The following SRSF1 variants were observed in gnomAD, a reference collection of about 807,000 sequenced individuals.
The protein encoded by SRSF1 is serine/arginine-rich splicing factor 1.
A neutral mutation model predicts 25.9 loss-of-function variants in SRSF1; 1 was observed. That is an observed-to-expected ratio of 0.04 (90% CI 0.01 to 0.18). The LOEUF is 0.18. Among genes scored for constraint, SRSF1 ranks in the 10% least tolerant of loss-of-function variants. The pLI is 1.00. For missense variants in SRSF1, 65 were observed against 350.5 expected, an observed-to-expected ratio of 0.19 and a Z score of 6.50; for synonymous variants, 132 against 126.2, an observed-to-expected ratio of 1.05 and a Z score of -0.31.
intron 2 of SRSF1, 36 bp from the exon 3 acceptor site, chr17:58,006,009 A>G: frequency 1.3e-6 from 2 of 1,587,564 alleles, no homozygotes; most frequent in Non-Finnish European, 1.7e-6. Context: ...AGTACCAATT[A>G]TCTTAAATTT....
the SRSF1 span, chr17:57,989,485 C>CTT: frequency 2.5e-6 from 1 of 397,586 alleles, no homozygotes; most frequent in African/African-American, 2.1e-5. Flanking sequence ...CCAGACACTT[C>CTT]TAATCAAGGT....
chr17:58,000,535 A>G (rs2075382626), downstream of SRSF1, among the ~76,000 whole-genome samples: 1 of 152,196 alleles, frequency 6.6e-6, no homozygotes, highest in South Asian at 2.1e-4. Flanking sequence ...TCAATGGGAT[A>G]TAATTGTTGA....
At chr17:57,994,889 CAGG>C in the SRSF1 span, 5 of 152,180 alleles carry the variant, frequency 3.3e-5, no homozygotes, top group African/African-American at 4.8e-5. Context: ...TACTAAATGC[CAGG>C]AGCTGTACTG....
the SRSF1 span, chr17:57,994,175 ATGAT>A: frequency 6.6e-6 from 1 of 152,250 alleles, no homozygotes; most frequent in Non-Finnish European, 1.5e-5. Flanking sequence ...ATGGGACAAA[ATGAT>A]TGTTTACATC....
chr17:57,993,431 T>C, the SRSF1 span: 1 of 151,138 alleles, frequency 6.6e-6, no homozygotes, highest in African/African-American at 2.4e-5. Context: ...TTCAGTCATC[T>C]GGTCCAGGCA....
At chr17:57,993,567 A>C in the SRSF1 span, 2 of 152,252 alleles carry the variant, frequency 1.3e-5, no homozygotes, top group African/African-American at 4.8e-5. Context: ...CTGTCCACAA[A>C]TACTACTTGA....
the SRSF1 span, chr17:57,994,867 T>C: frequency 6.6e-6 from 1 of 152,212 alleles, no homozygotes; most frequent in African/African-American, 2.4e-5. Flanking sequence ...AGTAAAATAA[T>C]TACTGAGCAC....
downstream of SRSF1, among the ~76,000 whole-genome samples, chr17:57,996,249 C>G (rs1335192577): frequency 6.6e-6 from 1 of 152,036 alleles, no homozygotes; most frequent in Non-Finnish European, 1.5e-5. Context: ...CTTTGGGAGG[C>G]CGAAGCGGGC....
downstream of SRSF1, among the ~76,000 whole-genome samples, chr17:57,998,526 A>T (rs1282693434): frequency 1.3e-5 from 2 of 152,120 alleles, no homozygotes; most frequent in Admixed American, 1.3e-4. Flanking sequence ...AGAATTCTGA[A>T]TTTTCATTTG....
At chr17:57,992,911 G>A in the SRSF1 span, 2 of 152,314 alleles carry the variant, frequency 1.3e-5, no homozygotes, top group Middle Eastern at 6.8e-3. Flanking sequence ...GGGTAAGGAA[G>A]GTGAGCAGCA....
At chr17:57,989,511 C>T in the SRSF1 span, 1 of 397,578 alleles carries the variant, frequency 2.5e-6, no homozygotes, top group Non-Finnish European at 4.4e-6. Context: ...TCTCCAACTT[C>T]CCCCATAGAC....
downstream of SRSF1, among the ~76,000 whole-genome samples, chr17:57,999,815 T>C (rs2075379136): frequency 6.6e-6 from 1 of 152,170 alleles, no homozygotes. Flanking sequence ...GTGCATTTGG[T>C]GGAGATGAGT....
chr17:57,995,279 G>A, the SRSF1 span, among the ~76,000 whole-genome samples: 2 of 152,162 alleles, frequency 1.3e-5, no homozygotes, highest in Non-Finnish European at 2.9e-5. Context: ...CAACACAAAT[G>A]CAGATGTTTT....
At chr17:57,999,748 CCAAA>C (rs550031243), downstream of SRSF1, among the ~76,000 whole-genome samples, 385 of 152,246 alleles carry the variant, frequency 2.5e-3, 2 homozygotes, top group Non-Finnish European at 4.3e-3. Flanking sequence ...TGTAAAAAAA[CCAAA>C]CAAACAAACA....
At chr17:57,999,764 A>G (rs766983586), downstream of SRSF1, among the ~76,000 whole-genome samples, 1 of 152,194 alleles carries the variant, frequency 6.6e-6, no homozygotes, top group African/African-American at 2.4e-5. Flanking sequence ...AAACAAACAA[A>G]AAAAATTAAG....
At position 58,006,000 on chromosome 17, in the gene SRSF1, G is replaced by C; in HGVS notation, c.380-27C>G. 6.3e-7 allele frequency: 1 copy of C among 1,596,812 alleles called. No individual in the cohort carries two copies. The highest frequency in any genetic ancestry group is 8.5e-7 in the Non-Finnish European group (1 of 1,174,206). On this transcript the variant is annotated intron_variant, in intron 2 of 3. Transcript: ENST00000258962. The surrounding 1 kb of genome is among the most constrained non-coding windows in gnomAD (Gnocchi z 5.2). ...TGAAAAAGTGATTTTTTTTTTCTTA[G>C]TACCAATTATCTTAAATTTCACGTT...
At chr17:57,995,327 T>C in the SRSF1 span, among the ~76,000 whole-genome samples, 1 of 152,230 alleles carries the variant, frequency 6.6e-6, no homozygotes, top group Admixed American at 6.5e-5. Flanking sequence ...TCTATGATTT[T>C]TTTGTGGGGC....
chr17:58,002,891 T>C lies in SRSF1; in HGVS notation c.*2515A>G, dbSNP rs1458145207. ...GCCGGGCAAGGGTGGCACACACTTGTAGTCTCAGCTACTTGGGAGACTGAG... is the reference window on the plus strand; with the variant it reads ...GCCGGGCAAGGGTGGCACACACTTGCAGTCTCAGCTACTTGGGAGACTGAG... On this transcript the variant is annotated 3_prime_UTR_variant, in exon 4 of 4. Coordinates refer to ENST00000258962, the MANE Select transcript of SRSF1 (RefSeq NM_006924.5). Among the ~76,000 whole-genome samples, 1 of 152,116 alleles carries C rather than the reference T, an allele frequency of 6.6e-6. No individual in the cohort carries two copies. Among genetic ancestry groups the C allele is most frequent in the African/African-American group, 2.4e-5 (1 of 41,430 alleles).
Position 58,006,508 on chromosome 17 carries a change from A to G in SRSF1, c.214T>C (p.Tyr72His), listed in dbSNP as rs984609394. The change falls in exon 2 of 4, where the codon TAT becomes CAT. Residue 72 changes from tyrosine to histidine, a missense_variant. By Grantham distance (83) the Tyr-to-His change is moderately conservative. Around this residue, in one of 2 missense-constraint regions of SRSF1, gnomAD observed 63 missense variants for 284.8 expected, o/e 0.22. Coordinates refer to ENST00000258962, the MANE Select transcript of SRSF1 (RefSeq NM_006924.5). The stretch of plus-strand genomic sequence containing the variant: ...TCGTAATCATAGCCGTCGCGACCAT[A>G]CACCGCGTCTTCCGCGTCTCTGCGG... ...EDPRDAEDAV[Y>H]GRDGYDYDGY... 1 of 1,612,950 alleles carries G rather than the reference A, an allele frequency of 6.2e-7. No individual in the cohort carries two copies.
Sources: allele counts gnomAD v4.1 joint callset (sites outside exome capture counted in the v4.1 genomes callset), GRCh38; gene constraint gnomAD v4.1.1; regional missense constraint gnomAD v4.1.1; non-coding constraint Gnocchi (gnomAD v3.1); transcripts MANE v1.5; gene names NCBI Gene and HGNC (gene_info 2026-07-23, HGNC 2026-07-21).